COL22A1: variants seen among roughly 807,000 people sequenced by gnomAD.
The protein encoded by COL22A1 is collagen type XXII alpha 1 chain.
Under a neutral mutation model 248.9 loss-of-function variants are expected in COL22A1, and 221 were observed. The observed-to-expected ratio is 0.89, with a 90% CI of 0.80 to 0.99. The LOEUF (loss-of-function observed/expected upper bound fraction) is 0.99, where lower values mean the gene tolerates loss of function less well. COL22A1 is among the 50% of genes least tolerant of loss of function. The pLI is 0.00. For missense variants in COL22A1, 2,240 were observed against 2,179.0 expected (o/e 1.03, Z -0.56); for synonymous variants, 891 against 793.4 (o/e 1.12, Z -2.07).
At chr8:138,835,331 T>C (rs1454271871) in intron 4 of COL22A1, among the ~76,000 whole-genome samples, 1 of 152,224 alleles carries the variant, frequency 6.6e-6, no homozygotes, top group Non-Finnish European at 1.5e-5. Context: ...ATTCAGAAGC[T>C]TCATTATAGA....
intron 50 of COL22A1, among the ~76,000 whole-genome samples, chr8:138,627,651 T>C (rs1176916925): frequency 1.3e-5 from 2 of 152,140 alleles, no homozygotes; most frequent in African/African-American, 4.8e-5. Context: ...TAACCTCCAC[T>C]TGACCAATCC....
intron 27 of COL22A1, among the ~76,000 whole-genome samples, chr8:138,717,143 T>A (rs374635658): frequency 5.3e-5 from 8 of 152,250 alleles, no homozygotes; most frequent in Middle Eastern, 3.4e-3. Flanking sequence ...TTTTTTAATT[T>A]TTTTTTATTT....
intron 1 of COL22A1, among the ~76,000 whole-genome samples, chr8:138,892,008 T>A (rs1238396633): frequency 6.6e-6 from 1 of 152,228 alleles, no homozygotes; most frequent in Non-Finnish European, 1.5e-5. Flanking sequence ...CTATGACGTA[T>A]AATTATTTTC....
rs144561843 is a variant in COL22A1, at chr8:138,626,697, G to A, written c.3664-454C>T. ...ACACAAGTGGGGAGCTGACCGGGGT[G>A]CATGCATAGAGGATGGTTTATTATT... On this transcript the variant is annotated intron_variant, in intron 50 of 64. Coordinates refer to ENST00000303045, the MANE Select transcript of COL22A1 (RefSeq NM_152888.3). 6.1e-4 allele frequency among the ~76,000 whole-genome samples: 93 copies of A among 152,312 alleles called. 1 individual carries two copies. Among genetic ancestry groups the A allele is most frequent in the African/African-American group, 2.1e-3 (87 of 41,572 alleles).
At chr8:138,782,324 C>T (rs1815086145) in intron 12 of COL22A1, among the ~76,000 whole-genome samples, 1 of 152,202 alleles carries the variant, frequency 6.6e-6, no homozygotes, top group Admixed American at 6.5e-5. Context: ...CTCAAGCAAT[C>T]CTCCCACCTC....
intron 6 of COL22A1, among the ~76,000 whole-genome samples, chr8:138,822,919 G>T (rs11988839): frequency 0.043 from 6,508 of 152,214 alleles, 468 homozygotes; most frequent in African/African-American, 0.15. Flanking sequence ...TCCTCCTGTG[G>T]CTGATCCTGG....
Position 138,619,419 on chromosome 8 carries a change from T to C in COL22A1, c.3825+36A>G, listed in dbSNP as rs1280848587. The C allele has an allele frequency of 5.6e-6, 9 of 1,605,220 alleles. No homozygotes were observed. The Admixed American group carries it at 1.2e-4, about 21-fold the overall frequency. On this transcript the variant is annotated intron_variant, in intron 53 of 64. Coordinates refer to ENST00000303045, the MANE Select transcript of COL22A1 (RefSeq NM_152888.3). ...GTGAGAGCCATGTAGCTGATGGGCTTGGTTCTACCGTTCCCCACACACACT... is the reference window on the plus strand; with the variant it reads ...GTGAGAGCCATGTAGCTGATGGGCTCGGTTCTACCGTTCCCCACACACACT...
intron 10 of COL22A1, among the ~76,000 whole-genome samples, chr8:138,803,658 G>C (rs1010549029): frequency 1.3e-5 from 2 of 152,130 alleles, no homozygotes. Flanking sequence ...AAGAGAGCAG[G>C]TAGAGGAAAA....
chr8:138,784,530 G>T (rs1815337446), intron 12 of COL22A1, among the ~76,000 whole-genome samples: 1 of 152,130 alleles, frequency 6.6e-6, no homozygotes, highest in East Asian at 1.9e-4. Context: ...TAAAATCTGA[G>T]ATTGAAAGAG....
rs144965240 is a variant in COL22A1 at position 138,798,353 on chromosome 8, C to T, written c.1558-1496G>A. 9.4e-3 allele frequency among the ~76,000 whole-genome samples: 1,431 copies of T among 151,744 alleles called. 17 individuals are homozygous for T. The highest frequency in any genetic ancestry group is 0.033 in the African/African-American group (1,348 of 41,454). Reference sequence around the variant, plus strand: ...CTGTCCCACTTTTGTTCCTTTATTGCTCCTTTACTGATCTTTTTTGAATTG... The same window carrying T: ...CTGTCCCACTTTTGTTCCTTTATTGTTCCTTTACTGATCTTTTTTGAATTG... On this transcript the variant is annotated intron_variant, in intron 11 of 64. Transcript: ENST00000303045.
intron 2 of COL22A1, among the ~76,000 whole-genome samples, chr8:138,878,899 T>G (rs964298246): frequency 1.3e-5 from 2 of 152,008 alleles, no homozygotes; most frequent in African/African-American, 4.8e-5. Context: ...TCCCAGCTAC[T>G]CGGGAGGCTG....
intron 63 of COL22A1, among the ~76,000 whole-genome samples, chr8:138,593,392 T>TA (rs200453839): frequency 4.0e-4 from 60 of 151,446 alleles, no homozygotes; most frequent in East Asian, 5.8e-4. Flanking sequence ...ATTTTTTTTT[T>TA]AAAAAAAAAC....
rs373275910 is a variant in COL22A1, at chr8:138,612,711, G to A, written c.3978+1156C>T. 2.4e-4 allele frequency among the ~76,000 whole-genome samples: 36 copies of A among 152,152 alleles called. No homozygotes were observed. In the East Asian group the frequency reaches 6.2e-3, roughly 26 times the overall value. Reference sequence around the variant, plus strand: ...GGAGGACAAGTGGGGCAGATCACTTGAGGTCAGGAGTTCGAAACCAGCCTG... The same window carrying A: ...GGAGGACAAGTGGGGCAGATCACTTAAGGTCAGGAGTTCGAAACCAGCCTG... On this transcript the variant is annotated intron_variant, in intron 56 of 64. Coordinates refer to ENST00000303045, the MANE Select transcript of COL22A1 (RefSeq NM_152888.3).
At chr8:138,779,189 T>C (rs1380165228) in intron 14 of COL22A1, among the ~76,000 whole-genome samples, 1 of 152,234 alleles carries the variant, frequency 6.6e-6, no homozygotes, top group African/African-American at 2.4e-5. Flanking sequence ...TATATTACAA[T>C]ATATCCATGT....
chr8:138,615,054 C>A (rs1157395787), intron 55 of COL22A1, among the ~76,000 whole-genome samples: 3 of 152,226 alleles, frequency 2.0e-5, no homozygotes, highest in African/African-American at 7.2e-5. Context: ...CACTCTGCAT[C>A]TCACACGTCC....
intron 16 of COL22A1, among the ~76,000 whole-genome samples, chr8:138,767,622 A>G (rs1406738126): frequency 6.6e-6 from 1 of 152,234 alleles, no homozygotes; most frequent in Non-Finnish European, 1.5e-5. Flanking sequence ...TGAAACAGGC[A>G]CTACCTCATT....
chr8:138,901,059 C>T (rs952214622), intron 1 of COL22A1, among the ~76,000 whole-genome samples: 2 of 151,796 alleles, frequency 1.3e-5, no homozygotes, highest in Non-Finnish European at 2.9e-5. Context: ...TTAGCTATAA[C>T]ACTGTAATCA....
At chr8:138,700,027 A>C in intron 32 of COL22A1, 85 bp downstream of exon 32, 1 of 1,306,904 alleles carries the variant, frequency 7.7e-7, no homozygotes. Flanking sequence ...TCCTCACCCC[A>C]CCCAGTCCAG....
At chr8:138,848,018 CA>C (rs1276641126) in intron 3 of COL22A1, among the ~76,000 whole-genome samples, 1 of 152,140 alleles carries the variant, frequency 6.6e-6, no homozygotes. Flanking sequence ...AAAGGAAATA[CA>C]GACTGAGTTA....
Sources: allele counts gnomAD v4.1 joint callset (sites outside exome capture counted in the v4.1 genomes callset), GRCh38; gene constraint gnomAD v4.1.1; transcripts MANE v1.5; gene names NCBI Gene and HGNC (gene_info 2026-07-23, HGNC 2026-07-21).